SLC14A2: variants seen among roughly 807,000 people sequenced by gnomAD.
SLC14A2 encodes the protein solute carrier family 14 member 2.
Under a neutral mutation model 104.6 loss-of-function variants are expected in SLC14A2, and 91 were observed. That is an observed-to-expected ratio of 0.87 (90% confidence interval 0.73 to 1.04). SLC14A2 has a LOEUF of 1.04. Among genes scored for constraint, SLC14A2 ranks in the 50% least tolerant of loss-of-function variants. SLC14A2 has a pLI of 0.00. For missense variants in SLC14A2, 1,189 were observed against 1,156.0 expected (o/e 1.03, Z -0.41); for synonymous variants, 476 against 466.4 (o/e 1.02, Z -0.27).
intron 2 of SLC14A2, among the ~76,000 whole-genome samples, chr18:45,533,925 G>A (rs1339252504): frequency 6.6e-6 from 1 of 152,116 alleles, no homozygotes; most frequent in African/African-American, 2.4e-5. Flanking sequence ...TGGCTCAGTA[G>A]TTTTAATAAA....
chr18:45,422,608 TGAGA>T (rs1395201152), intron 1 of SLC14A2, among the ~76,000 whole-genome samples: 2 of 152,090 alleles, frequency 1.3e-5, no homozygotes, highest in South Asian at 2.1e-4. Context: ...GAGCAGCCTG[TGAGA>T]GGCCCCAAAC....
chr18:45,681,773 G>A (rs552735830), intron 19 of SLC14A2, among the ~76,000 whole-genome samples: 1 of 152,206 alleles, frequency 6.6e-6, no homozygotes, highest in Non-Finnish European at 1.5e-5. Context: ...TGTAGACACA[G>A]TCTCTGTGCC....
At chr18:45,583,132 G>C (rs1402749618) in intron 2 of SLC14A2, among the ~76,000 whole-genome samples, 1 of 152,162 alleles carries the variant, frequency 6.6e-6, no homozygotes. Flanking sequence ...TGACTTTTCA[G>C]CATGTTCTAC....
intron 1 of SLC14A2, among the ~76,000 whole-genome samples, chr18:45,289,941 G>C (rs2084853087): frequency 6.6e-6 from 1 of 152,058 alleles, no homozygotes; most frequent in African/African-American, 2.4e-5. Flanking sequence ...ATAGTACCTG[G>C]GATGAGGCCT....
At chr18:45,399,769 C>T (rs1204746152) in intron 1 of SLC14A2, among the ~76,000 whole-genome samples, 1 of 152,112 alleles carries the variant, frequency 6.6e-6, no homozygotes, top group African/African-American at 2.4e-5. Context: ...GGTGAGATTA[C>T]ATTTGGAGTT....
intron 2 of SLC14A2, among the ~76,000 whole-genome samples, chr18:45,596,984 G>A (rs2044725551): frequency 6.6e-6 from 1 of 152,128 alleles, no homozygotes; most frequent in African/African-American, 2.4e-5. Flanking sequence ...AATGGCCTTT[G>A]GGCCATCTAT....
chr18:45,660,385 A>G (rs1301966679), intron 10 of SLC14A2, among the ~76,000 whole-genome samples: 2 of 152,198 alleles, frequency 1.3e-5, no homozygotes, highest in Admixed American at 6.5e-5. Context: ...TCTTGCCTGG[A>G]GCAGAGGGGC....
intron 10 of SLC14A2, among the ~76,000 whole-genome samples, chr18:45,658,683 C>T (rs2045884542): frequency 1.3e-5 from 2 of 151,964 alleles, no homozygotes; most frequent in South Asian, 4.1e-4. Context: ...ATTATTTCCC[C>T]TCTGAAAGAA....
At chr18:45,299,879 C>T (rs1249252420) in intron 1 of SLC14A2, among the ~76,000 whole-genome samples, 1 of 152,162 alleles carries the variant, frequency 6.6e-6, no homozygotes, top group Non-Finnish European at 1.5e-5. Flanking sequence ...TAGTACTTGT[C>T]GTGTCTTGGC....
intron 4 of SLC14A2, among the ~76,000 whole-genome samples, chr18:45,629,481 C>G (rs1467824439): frequency 1.3e-5 from 2 of 152,196 alleles, no homozygotes; most frequent in African/African-American, 4.8e-5. Flanking sequence ...CAGCCCATGC[C>G]TCACTGCTTC....
intron 1 of SLC14A2, among the ~76,000 whole-genome samples, chr18:45,377,023 A>G (rs903719583): frequency 1.3e-5 from 2 of 152,152 alleles, no homozygotes; most frequent in African/African-American, 4.8e-5. Context: ...AGTGTGGTTT[A>G]CATCACTGCC....
intron 4 of SLC14A2, among the ~76,000 whole-genome samples, chr18:45,631,706 C>T (rs1458860933): frequency 1.3e-5 from 2 of 152,228 alleles, no homozygotes; most frequent in Admixed American, 1.3e-4. Context: ...ACTGCAGCCT[C>T]AACTTCCTGG....
At chr18:45,438,616 G>C (rs1474784009) in intron 1 of SLC14A2, among the ~76,000 whole-genome samples, 1 of 152,164 alleles carries the variant, frequency 6.6e-6, no homozygotes, top group South Asian at 2.1e-4. Context: ...AACCTATCCC[G>C]CTAGAGGCTA....
chr18:45,512,404 A>G (rs1008741460), intron 2 of SLC14A2, among the ~76,000 whole-genome samples: 2 of 152,196 alleles, frequency 1.3e-5, no homozygotes, highest in African/African-American at 4.8e-5. Context: ...TGCCATACCC[A>G]GAAAATTGCC....
At chr18:45,345,136 C>G (rs547489975) in intron 1 of SLC14A2, among the ~76,000 whole-genome samples, 1 of 152,228 alleles carries the variant, frequency 6.6e-6, no homozygotes, top group East Asian at 1.9e-4. Flanking sequence ...TGCTTCATGT[C>G]AGTACCTTTC....
chr18:45,334,571 G>A (rs577276067), intron 1 of SLC14A2, among the ~76,000 whole-genome samples: 1 of 152,288 alleles, frequency 6.6e-6, no homozygotes, highest in South Asian at 2.1e-4. Flanking sequence ...ATCTTGGTCT[G>A]TAAAATCACA....
At chr18:45,461,850 C>T (rs527776452) in intron 1 of SLC14A2, among the ~76,000 whole-genome samples, 4 of 152,282 alleles carry the variant, frequency 2.6e-5, no homozygotes, top group Non-Finnish European at 5.9e-5. Context: ...ATCAATTCTT[C>T]GTAAATACTG....
chr18:45,605,050 A>G (rs1278707521), intron 2 of SLC14A2, among the ~76,000 whole-genome samples: 1 of 152,158 alleles, frequency 6.6e-6, no homozygotes, highest in African/African-American at 2.4e-5. Context: ...CCCCGCAGTG[A>G]TCATCATCAT....
chr18:45,682,896 C>T lies in SLC14A2; in HGVS notation c.*377C>T, dbSNP rs1279028101. Reference sequence around the variant, plus strand: ...GATCACGAGGTCAGGAGATCGAGACCATCCTGGCGAACATGGTGAGACCCC... The same window carrying T: ...GATCACGAGGTCAGGAGATCGAGACTATCCTGGCGAACATGGTGAGACCCC... On this transcript the variant is annotated 3_prime_UTR_variant, in exon 20 of 20. Coordinates refer to ENST00000255226, the MANE Select transcript of SLC14A2 (RefSeq NM_007163.4). 1 of 225,686 alleles carries T rather than the reference C, an allele frequency of 4.4e-6. No homozygotes were observed. The allele number at this position is 225,686 out of a possible 1,614,324, so 14.0% of individuals were successfully genotyped here.
Sources: gnomAD v4.1 joint callset for allele counts (sites outside exome capture counted in the v4.1 genomes callset) on GRCh38, gnomAD v4.1.1 for gene constraint, MANE v1.5 for transcripts, NCBI Gene and HGNC (gene_info 2026-07-23, HGNC 2026-07-21) for gene names.